Variants in SASH1 observed in about 807,000 individuals in gnomAD.
The protein encoded by SASH1 is SAM and SH3 domain-containing protein 1.
SASH1 carries 44 observed loss-of-function variants against 125.2 expected under a neutral mutation model. The ratio of observed to expected loss-of-function variants is 0.35; its 90% confidence interval spans 0.28 to 0.45. SASH1 has a LOEUF of 0.45. Ranked by LOEUF, SASH1 falls within the 20% of genes least tolerant of loss-of-function variation. The pLI, the probability that SASH1 is intolerant of heterozygous loss-of-function variation, is 1.00. For synonymous variants in SASH1, 639 were observed against 649.1 expected (o/e 0.98, Z 0.24); for missense variants, 1,426 against 1,614.5 (o/e 0.88, Z 2.00).
At chr6:148,378,095 A>C in intron 1 of SASH1, among the ~76,000 whole-genome samples, 1 of 148,722 alleles carries the variant, frequency 6.7e-6, no homozygotes, top group African/African-American at 2.5e-5. Flanking sequence ...CTTGTCACCC[A>C]GGCTGGAGTG....
chr6:148,396,344 G>A (rs966845549), intron 2 of SASH1, among the ~76,000 whole-genome samples: 5 of 151,720 alleles, frequency 3.3e-5, no homozygotes, highest in African/African-American at 1.2e-4. Context: ...CAGGTGTGGT[G>A]GTGCGCACCT....
At chr6:148,487,483 T>C (rs1778926992) in intron 7 of SASH1, 131 bp from the exon 8 acceptor site, 2 of 655,812 alleles carry the variant, frequency 3.0e-6, no homozygotes, top group Non-Finnish European at 5.3e-6. Context: ...CCCAAAGTGA[T>C]CTCTGTGCTG....
intron 2 of SASH1, among the ~76,000 whole-genome samples, chr6:148,428,188 C>T (rs1775906334): frequency 6.6e-6 from 1 of 152,192 alleles, no homozygotes; most frequent in Admixed American, 6.5e-5. Flanking sequence ...TAGTCTTGTT[C>T]CCTCTGCTAT....
chr6:148,476,633 T>G (rs1388254997), intron 7 of SASH1, among the ~76,000 whole-genome samples: 2 of 151,872 alleles, frequency 1.3e-5, no homozygotes, highest in African/African-American at 4.8e-5. Flanking sequence ...TAAGCCAAGA[T>G]CATGCCGTTG....
intron 1 of SASH1, among the ~76,000 whole-genome samples, chr6:148,298,663 GAGGGAGGAAGGA>G (rs1315456982): frequency 1.0e-4 from 9 of 90,168 alleles, no homozygotes; most frequent in Admixed American, 6.0e-4. Context: ...GGGAGGGAGG[GAGGGAGGAAGGA>G]AGGAAGGAAG....
upstream of SASH1, among the ~76,000 whole-genome samples, chr6:148,269,410 C>T (rs1428098319): frequency 6.6e-6 from 1 of 152,142 alleles, no homozygotes; most frequent in Non-Finnish European, 1.5e-5. Context: ...GCTAAGACCA[C>T]AGGCACACAC....
At position 148,298,703 on chromosome 6, in the gene SASH1, AAGG is replaced by A. The variant is rs796313195; in HGVS notation, n.74+26328_74+26330del. 1.1e-4 allele frequency among the ~76,000 whole-genome samples: 10 copies of A among 89,474 alleles called. 1 individual carries two copies. Among genetic ancestry groups the A allele is most frequent in the African/African-American group, 4.1e-4 (10 of 24,190 alleles). 58.7% of individuals were successfully genotyped at this position (89,474 alleles called of 152,430 possible). A position where few individuals can be genotyped will look rare whatever the true frequency, so the allele number is the denominator to read the frequency against. Reference sequence around the variant, plus strand: ...GAAGGAAGGAAGGAAGGAAGGAAGGAAGGAAGGAAGAAGGAAGGGAAAGGAGGG... The same window carrying A: ...GAAGGAAGGAAGGAAGGAAGGAAGGAAAGGAAGAAGGAAGGGAAAGGAGGG... On this transcript the variant is annotated intron_variant and non_coding_transcript_variant, in intron 1 of 3. Coordinates refer to the SASH1 transcript ENST00000367469.
At chr6:148,538,975 G>A (rs1782051162) in intron 16 of SASH1, among the ~76,000 whole-genome samples, 1 of 152,120 alleles carries the variant, frequency 6.6e-6, no homozygotes, top group Admixed American at 6.5e-5. Context: ...CCCATGTAAG[G>A]CTCCATGTGC....
chr6:148,274,859 T>C (rs536824878), intron 1 of SASH1, among the ~76,000 whole-genome samples: 2 of 152,258 alleles, frequency 1.3e-5, no homozygotes, highest in African/African-American at 2.4e-5. Context: ...AGATCCAAAA[T>C]CTCTCTGCCT....
chr6:148,371,547 C>T (rs906786337), intron 1 of SASH1, among the ~76,000 whole-genome samples: 2 of 151,956 alleles, frequency 1.3e-5, no homozygotes, highest in Non-Finnish European at 2.9e-5. Flanking sequence ...GGATTACAGG[C>T]GTGAGCCACT....
At chr6:148,486,436 A>G (rs1323951850) in intron 7 of SASH1, among the ~76,000 whole-genome samples, 1 of 151,990 alleles carries the variant, frequency 6.6e-6, no homozygotes, top group East Asian at 1.9e-4. Context: ...TAGGATTTCA[A>G]TTGTCTTTCT....
intron 1 of SASH1, among the ~76,000 whole-genome samples, chr6:148,355,626 C>A (rs1781899955): frequency 6.6e-6 from 1 of 152,122 alleles, no homozygotes; most frequent in Admixed American, 6.5e-5. Flanking sequence ...TATTCTGAGT[C>A]TGGGTCTTTA....
chr6:148,248,199 G>C, the SASH1 span, among the ~76,000 whole-genome samples: 1 of 152,182 alleles, frequency 6.6e-6, no homozygotes, highest in South Asian at 2.1e-4. Context: ...CTGGTTTCTA[G>C]AGCATTCCCA....
the SASH1 span, among the ~76,000 whole-genome samples, chr6:148,252,996 G>A: frequency 1.3e-5 from 2 of 152,166 alleles, no homozygotes; most frequent in African/African-American, 2.4e-5. Flanking sequence ...GGACTAGCCC[G>A]TGGGGCAGCC....
At chr6:148,309,454 G>A (rs537338803) in intron 1 of SASH1, among the ~76,000 whole-genome samples, 1 of 152,194 alleles carries the variant, frequency 6.6e-6, no homozygotes, top group South Asian at 2.1e-4. Context: ...ACACTAGTGT[G>A]GCATATTTCC....
chr6:148,247,229 G>A, the SASH1 span, among the ~76,000 whole-genome samples: 167 of 152,292 alleles, frequency 1.1e-3, no homozygotes, highest in African/African-American at 3.7e-3. Flanking sequence ...TTTGCCCTGA[G>A]AAATAGAACT....
rs949175026 is a variant in SASH1, at chr6:148,529,947, C to T, written c.1429-1579C>T. On this transcript the variant is annotated intron_variant, in intron 12 of 19. Transcript: ENST00000367467. The surrounding 1 kb of genome is among the most constrained non-coding windows in gnomAD (Gnocchi z 4.2). ...TCAGCCTCTTGAGTAGCTGGGACTACAGGCACGTGCCACCATACCCGGCTA... is the reference window on the plus strand; with the variant it reads ...TCAGCCTCTTGAGTAGCTGGGACTATAGGCACGTGCCACCATACCCGGCTA... 8.5e-5 allele frequency among the ~76,000 whole-genome samples: 13 copies of T among 152,088 alleles called. No homozygotes were observed. The highest frequency in any genetic ancestry group is 2.6e-4 in the Admixed American group (4 of 15,260).
chr6:148,460,348 A>G (rs998874382), intron 4 of SASH1, among the ~76,000 whole-genome samples: 1 of 151,756 alleles, frequency 6.6e-6, no homozygotes, highest in African/African-American at 2.4e-5. Flanking sequence ...TAAACATTCT[A>G]CAACTCACAG....
chr6:148,546,898 T>A (rs1782604596), intron 19 of SASH1, among the ~76,000 whole-genome samples: 1 of 151,426 alleles, frequency 6.6e-6, no homozygotes, highest in Non-Finnish European at 1.5e-5. Context: ...AAAAAAAAAA[T>A]TGATATCATC....
Sources: gnomAD v4.1 joint callset for allele counts (sites outside exome capture counted in the v4.1 genomes callset) on GRCh38, gnomAD v4.1.1 for gene constraint, Gnocchi (gnomAD v3.1) non-coding constraint, MANE v1.5 for transcripts, NCBI Gene and HGNC (gene_info 2026-07-23, HGNC 2026-07-21) for gene names.